The following PRKAR1A variants were observed in gnomAD, a reference collection of about 807,000 sequenced individuals.
The protein encoded by PRKAR1A is cAMP-dependent protein kinase type I-alpha regulatory subunit.
PRKAR1A carries 3 observed loss-of-function variants against 52.0 expected under a neutral mutation model. The observed-to-expected ratio is 0.06, with a 90% CI of 0.03 to 0.15. PRKAR1A has a LOEUF of 0.15. Among genes scored for constraint, PRKAR1A ranks in the 10% least tolerant of loss-of-function variants. PRKAR1A has a pLI of 1.00. For missense variants in PRKAR1A, 240 were observed against 477.4 expected (o/e 0.50, Z 4.63); for synonymous variants, 188 against 168.4 (o/e 1.12, Z -0.90).
At chr17:68,528,000 C>T (rs1024382975) in intron 8 of PRKAR1A, 100 bp downstream of exon 8, 185 of 1,041,222 alleles carry the variant, frequency 1.8e-4, no homozygotes, top group Non-Finnish European at 2.5e-4. Flanking sequence ...AATTGCTACT[C>T]ATTCCCCCTG....
At chr17:68,471,489 G>A in the PRKAR1A span, among the ~76,000 whole-genome samples, 6 of 152,150 alleles carry the variant, frequency 3.9e-5, no homozygotes, top group African/African-American at 7.2e-5. Flanking sequence ...TTTTCAGAGA[G>A]CAGAACCATC....
the PRKAR1A span, among the ~76,000 whole-genome samples, chr17:68,491,098 T>TTTC: frequency 0.048 from 1,422 of 29,864 alleles, 11 homozygotes; most frequent in African/African-American, 0.11. Flanking sequence ...TTCTTTCTTT[T>TTTC]TTTTTTTTTT....
the PRKAR1A span, among the ~76,000 whole-genome samples, chr17:68,503,071 C>T: frequency 6.6e-6 from 1 of 152,166 alleles, no homozygotes; most frequent in Non-Finnish European, 1.5e-5. Context: ...TAAACAGACA[C>T]CACCTCAGAG....
intron 4 of PRKAR1A, 30 bp from the exon 5 acceptor site, chr17:68,523,986 A>C (rs1329370667): frequency 6.2e-7 from 1 of 1,612,466 alleles, no homozygotes. Context: ...GACATGTGAA[A>C]TGTAACACGA....
chr17:68,464,697 AACAAAAAAAAC>A, the PRKAR1A span, among the ~76,000 whole-genome samples: 1 of 31,296 alleles, frequency 3.2e-5, no homozygotes, highest in African/African-American at 1.3e-4. Context: ...CAAAAAAAAA[AACAAAAAAAAC>A]AAAAAAAACA....
At chr17:68,509,338 A>AT (rs1160387804), upstream of PRKAR1A, among the ~76,000 whole-genome samples, 1 of 151,966 alleles carries the variant, frequency 6.6e-6, no homozygotes, top group Non-Finnish European at 1.5e-5. Context: ...AATTTTTAAA[A>AT]TTTTTTTGTA....
chr17:68,532,308 A>T lies in PRKAR1A; in HGVS notation c.*1859A>T. On this transcript the variant is annotated 3_prime_UTR_variant, in exon 11 of 11. Coordinates refer to ENST00000589228, the MANE Select transcript of PRKAR1A (RefSeq NM_002734.5). ...AATGAGTTACTTAGAATGCCATAAAATTGCAGTTTCATGTATGTATATAAT... is the reference window on the plus strand; with the variant it reads ...AATGAGTTACTTAGAATGCCATAAATTTGCAGTTTCATGTATGTATATAAT... 5.7e-6 allele frequency: 6 copies of T among 1,053,810 alleles called. No homozygotes were observed. The highest frequency in any genetic ancestry group is 6.9e-6 in the Non-Finnish European group (6 of 868,716). The allele number at this position is 1,053,810 out of a possible 1,614,324, so 65.3% of individuals were successfully genotyped here. A position where few individuals can be genotyped will look rare whatever the true frequency, so the allele number is the denominator to read the frequency against.
chr17:68,449,513 G>A, the PRKAR1A span, among the ~76,000 whole-genome samples: 6 of 152,220 alleles, frequency 3.9e-5, no homozygotes, highest in Admixed American at 3.3e-4. Flanking sequence ...AATCTTCAGT[G>A]TTGGAGGAAG....
At chr17:68,456,227 T>G in the PRKAR1A span, among the ~76,000 whole-genome samples, 1 of 152,130 alleles carries the variant, frequency 6.6e-6, no homozygotes, top group African/African-American at 2.4e-5. Flanking sequence ...ACATATGGGT[T>G]TTTCAAACAA....
the PRKAR1A span, among the ~76,000 whole-genome samples, chr17:68,431,155 C>T: frequency 3.3e-5 from 5 of 152,238 alleles, no homozygotes; most frequent in Admixed American, 6.5e-5. Context: ...TGAGAGAGCA[C>T]GGGTGTATAC....
In PRKAR1A at chr17:68,530,537, A is replaced by G. The variant is rs2085947458; in HGVS notation, c.*88A>G. On this transcript the variant is annotated 3_prime_UTR_variant, in exon 11 of 11. Transcript: ENST00000589228. ...CTTTATTTTCCCTACTTGCAGCGCC[A>G]AGTGGCCACTGGCATCGCAGCTTCC... 1 of 1,610,172 alleles carries G rather than the reference A, an allele frequency of 6.2e-7. No individual in the cohort carries two copies. The highest frequency in any genetic ancestry group is 1.1e-5 in the South Asian group (1 of 90,568).
At chr17:68,423,234 G>C in the PRKAR1A span, among the ~76,000 whole-genome samples, 8 of 151,850 alleles carry the variant, frequency 5.3e-5, no homozygotes, top group Non-Finnish European at 1.2e-4. This position sits in a 1 kb window ranked among gnomAD's most constrained non-coding sequence, Gnocchi z 4.4. Flanking sequence ...TCAGAATAAG[G>C]AGACAGAGAG....
chr17:68,536,336 T>C (rs914732183), downstream of PRKAR1A: 2 of 454,086 alleles, frequency 4.4e-6, no homozygotes, highest in Non-Finnish European at 8.8e-6. Context: ...AGTCACTCCA[T>C]GGAATGAAGA....
At chr17:68,492,205 C>T in the PRKAR1A span, among the ~76,000 whole-genome samples, 1 of 152,242 alleles carries the variant, frequency 6.6e-6, no homozygotes, top group South Asian at 2.1e-4. Flanking sequence ...TGCTCAAGGC[C>T]GCTTTTCAGG....
chr17:68,533,407 CACAAT>C lies in PRKAR1A; in HGVS notation c.*2960_*2964del. The C allele has an allele frequency of 9.4e-7, 1 of 1,059,136 alleles. No individual in the cohort carries two copies. The highest frequency in any genetic ancestry group is 1.6e-5 in the African/African-American group (1 of 60,850). The allele number at this position is 1,059,136 out of a possible 1,614,324, so 65.6% of individuals were successfully genotyped here. A position where few individuals can be genotyped will look rare whatever the true frequency, so the allele number is the denominator to read the frequency against. ...CTCTGGAGTATGAAACCTTTAGAGTCACAATAAAATGTAACTAAAGAAAATTTCTC... is the reference window on the plus strand; with the variant it reads ...CTCTGGAGTATGAAACCTTTAGAGTCAAAATGTAACTAAAGAAAATTTCTC... On this transcript the variant is annotated 3_prime_UTR_variant, in exon 11 of 11. Coordinates refer to ENST00000589228, the MANE Select transcript of PRKAR1A (RefSeq NM_002734.5).
chr17:68,449,749 C>A, the PRKAR1A span, among the ~76,000 whole-genome samples: 7 of 152,226 alleles, frequency 4.6e-5, no homozygotes, highest in Non-Finnish European at 1.0e-4. Flanking sequence ...GCCTGCAGAA[C>A]CTTGACCCAG....
the PRKAR1A span, among the ~76,000 whole-genome samples, chr17:68,501,685 T>C: frequency 6.6e-6 from 1 of 152,226 alleles, no homozygotes; most frequent in African/African-American, 2.4e-5. Context: ...CTCAAACTCC[T>C]GGCCTCAAGT....
At chr17:68,506,186 C>G in the PRKAR1A span, among the ~76,000 whole-genome samples, 1 of 151,892 alleles carries the variant, frequency 6.6e-6, no homozygotes, top group African/African-American at 2.4e-5. Context: ...CCCCCTACCA[C>G]AGGCCACTGA....
the PRKAR1A span, among the ~76,000 whole-genome samples, chr17:68,472,867 C>T: frequency 5.9e-5 from 9 of 152,080 alleles, no homozygotes; most frequent in African/African-American, 1.7e-4. Flanking sequence ...ATCACTTCAA[C>T]CCGGGAGGCG....
Sources: gnomAD v4.1 joint callset for allele counts (sites outside exome capture counted in the v4.1 genomes callset) on GRCh38, gnomAD v4.1.1 for gene constraint, Gnocchi (gnomAD v3.1) non-coding constraint, MANE v1.5 for transcripts, NCBI Gene and HGNC (gene_info 2026-07-23, HGNC 2026-07-21) for gene names.